TMEM132D: variants seen among roughly 807,000 people sequenced by gnomAD.
The protein encoded by TMEM132D is mature OL transmembrane protein.
Under a neutral mutation model 62.3 loss-of-function variants are expected in TMEM132D, and 21 were observed. The ratio of observed to expected loss-of-function variants is 0.34; its 90% CI spans 0.24 to 0.49. The LOEUF is 0.49. TMEM132D is among the 20% of genes least tolerant of loss of function. The pLI, the probability that TMEM132D is intolerant of heterozygous loss-of-function variation, is 0.99. For synonymous variants in TMEM132D, 621 were observed against 575.6 expected, an observed-to-expected ratio of 1.08 and a Z score of -1.13; for missense variants, 1,346 against 1,402.8, an observed-to-expected ratio of 0.96 and a Z score of 0.65.
At chr12:129,099,214 C>A (rs995322256) in intron 5 of TMEM132D, among the ~76,000 whole-genome samples, 2 of 152,190 alleles carry the variant, frequency 1.3e-5, no homozygotes, top group Non-Finnish European at 2.9e-5. Flanking sequence ...ATCTTCCTTT[C>A]CCCTAAGAAG....
At chr12:129,195,566 T>C (rs930987995) in intron 5 of TMEM132D, among the ~76,000 whole-genome samples, 13 of 152,130 alleles carry the variant, frequency 8.5e-5, no homozygotes, top group African/African-American at 2.9e-4. Context: ...TCATATTACC[T>C]TGTGACCCTG....
chr12:129,725,741 G>A (rs1303110493), intron 1 of TMEM132D, among the ~76,000 whole-genome samples: 2 of 152,214 alleles, frequency 1.3e-5, no homozygotes, highest in Non-Finnish European at 2.9e-5. Context: ...TATTTCCAAT[G>A]GATAAGGCAG....
intron 4 of TMEM132D, among the ~76,000 whole-genome samples, chr12:129,297,311 C>T (rs1017607681): frequency 1.3e-5 from 2 of 152,212 alleles, no homozygotes; most frequent in African/African-American, 4.8e-5. Flanking sequence ...CACAGGCCTT[C>T]CCGAGTGATT....
intron 2 of TMEM132D, among the ~76,000 whole-genome samples, chr12:129,635,610 C>G (rs1407325642): frequency 6.6e-6 from 1 of 152,174 alleles, no homozygotes; most frequent in Non-Finnish European, 1.5e-5. Context: ...GACTTGTGTT[C>G]CCTTCATTTG....
intron 2 of TMEM132D, among the ~76,000 whole-genome samples, chr12:129,684,393 G>A (rs1045232995): frequency 3.3e-5 from 5 of 152,048 alleles, no homozygotes; most frequent in African/African-American, 1.2e-4. Flanking sequence ...AGACATGTTT[G>A]CTTCCCCTTC....
intron 2 of TMEM132D, among the ~76,000 whole-genome samples, chr12:129,546,270 C>A (rs991021785): frequency 2.6e-5 from 4 of 152,170 alleles, no homozygotes; most frequent in Non-Finnish European, 5.9e-5. Context: ...AAGCTTCAAA[C>A]ATCCACTTGT....
At chr12:129,608,338 C>A (rs1321383620) in intron 2 of TMEM132D, among the ~76,000 whole-genome samples, 1 of 152,150 alleles carries the variant, frequency 6.6e-6, no homozygotes, top group African/African-American at 2.4e-5. Flanking sequence ...GAAGCCCAAC[C>A]TAATTTCAGT....
In TMEM132D at chr12:129,810,204, C is replaced by A. The variant is rs141643986; in HGVS notation, c.79+93057G>T. Reference sequence around the variant, plus strand: ...CAGCACTCAGCATTGGAAGTTATAGCGAAGACAAGAAACCCATAAAAAATA... The same window carrying A: ...CAGCACTCAGCATTGGAAGTTATAGAGAAGACAAGAAACCCATAAAAAATA... On this transcript the variant is annotated intron_variant, in intron 1 of 8. Transcript: ENST00000422113. Among the ~76,000 whole-genome samples the A allele has an allele frequency of 6.8e-3, 1,032 of 151,846 alleles. 12 individuals carry two copies. The highest frequency in any genetic ancestry group is 0.024 in the African/African-American group (974 of 41,400).
At chr12:129,077,773 CAT>C (rs1205487498) in intron 8 of TMEM132D, among the ~76,000 whole-genome samples, 5 of 152,082 alleles carry the variant, frequency 3.3e-5, no homozygotes, top group African/African-American at 4.8e-5. Flanking sequence ...TCACAACACA[CAT>C]ATATACATGC....
intron 4 of TMEM132D, among the ~76,000 whole-genome samples, chr12:129,318,228 A>G (rs1009328294): frequency 1.3e-5 from 2 of 152,130 alleles, no homozygotes; most frequent in Admixed American, 6.5e-5. Flanking sequence ...TTGTTTTGTC[A>G]TATTACCAGG....
intron 4 of TMEM132D, among the ~76,000 whole-genome samples, chr12:129,222,406 T>G (rs915200481): frequency 1.3e-5 from 2 of 152,234 alleles, no homozygotes; most frequent in African/African-American, 4.8e-5. Flanking sequence ...TTTTGTTTCC[T>G]TCAGGCAATT....
chr12:129,460,908 A>G (rs528060935), intron 3 of TMEM132D, among the ~76,000 whole-genome samples: 156 of 152,242 alleles, frequency 1.0e-3, no homozygotes, highest in Non-Finnish European at 1.9e-3. Flanking sequence ...TGCCAGAGAC[A>G]GAGAAGCCAA....
intron 4 of TMEM132D, among the ~76,000 whole-genome samples, chr12:129,316,563 T>C (rs1868493630): frequency 6.6e-6 from 1 of 152,170 alleles, no homozygotes; most frequent in Non-Finnish European, 1.5e-5. Context: ...TTTTATGCCC[T>C]ATGATATGTC....
At chr12:129,111,512 C>A (rs1472024115) in intron 5 of TMEM132D, 1 of 152,202 alleles carries the variant, frequency 6.6e-6, no homozygotes, top group African/African-American at 2.4e-5. Flanking sequence ...TTGCACTGAT[C>A]ACTGTGAGTG....
At chr12:129,253,501 ATTAAG>A (rs368470354) in intron 4 of TMEM132D, among the ~76,000 whole-genome samples, 4 of 152,224 alleles carry the variant, frequency 2.6e-5, no homozygotes, top group African/African-American at 4.8e-5. Flanking sequence ...TAGAAAAGTA[ATTAAG>A]TTGAGTTACA....
At chr12:129,870,563 T>A (rs1011509489) in intron 1 of TMEM132D, among the ~76,000 whole-genome samples, 5 of 152,172 alleles carry the variant, frequency 3.3e-5, no homozygotes, top group Non-Finnish European at 7.3e-5. Flanking sequence ...TCGGCATCCC[T>A]CCCATCCATA....
At chr12:129,607,112 C>G (rs1397718454) in intron 2 of TMEM132D, among the ~76,000 whole-genome samples, 1 of 149,874 alleles carries the variant, frequency 6.7e-6, no homozygotes, top group Non-Finnish European at 1.5e-5. Flanking sequence ...TGGGGAGGGT[C>G]GCAAGATTAC....
chr12:129,707,604 G>A (rs637007), intron 1 of TMEM132D, among the ~76,000 whole-genome samples: 144,305 of 152,268 alleles, frequency 0.95, 68,850 homozygotes, highest in East Asian at 1. Flanking sequence ...CTTTTGGAAA[G>A]GTAAAGTTCT....
chr12:129,292,364 T>C (rs891562502), intron 4 of TMEM132D, among the ~76,000 whole-genome samples: 3 of 152,218 alleles, frequency 2.0e-5, no homozygotes, highest in Admixed American at 1.3e-4. Context: ...TAGCTGTAAC[T>C]GACTCCCGAG....
Sources: allele counts gnomAD v4.1 joint callset (sites outside exome capture counted in the v4.1 genomes callset), GRCh38; gene constraint gnomAD v4.1.1; transcripts MANE v1.5; gene names NCBI Gene and HGNC (gene_info 2026-07-23, HGNC 2026-07-21).